Variants in ELK3 observed in about 807,000 individuals in gnomAD.
The protein encoded by ELK3 is ETS domain-containing protein Elk-3.
Under a neutral mutation model 28.9 loss-of-function variants are expected in ELK3, and 10 were observed. That is an observed-to-expected ratio of 0.35 (90% CI 0.21 to 0.59). The LOEUF is 0.59. ELK3 is among the 20% of genes least tolerant of loss of function. The pLI is 0.82. For missense variants in ELK3, 463 were observed against 517.3 expected, an observed-to-expected ratio of 0.90 and a Z score of 1.02; for synonymous variants, 272 against 243.5, an observed-to-expected ratio of 1.12 and a Z score of -1.09.
intron 2 of ELK3, among the ~76,000 whole-genome samples, chr12:96,235,401 C>G (rs1401994600): frequency 6.6e-6 from 1 of 152,102 alleles, no homozygotes; most frequent in African/African-American, 2.4e-5. Context: ...CCTTACGGGG[C>G]CGCATGCTGG....
Position 96,243,842 on chromosome 12 carries a change from CA to C in ELK3, c.208-3084del, listed in dbSNP as rs879461513. 7.6e-3 allele frequency among the ~76,000 whole-genome samples: 1,041 copies of C among 136,212 alleles called. 1 individual carries two copies. Among genetic ancestry groups the C allele is most frequent in the Non-Finnish European group, 0.011 (712 of 62,596 alleles). The allele number at this position is 136,212 out of a possible 152,430, so 89.4% of individuals were successfully genotyped here. On this transcript the variant is annotated intron_variant, in intron 2 of 4. Transcript: ENST00000228741. ...TGGGCAACAGAGCGAGACTCCATCT[CA>C]AAAAAAAAAAAAATTAGCTGGGCAT...
At chr12:96,201,012 G>A (rs529459522) in intron 1 of ELK3, among the ~76,000 whole-genome samples, 1 of 152,106 alleles carries the variant, frequency 6.6e-6, no homozygotes, top group Admixed American at 6.5e-5. Flanking sequence ...ATTATCCCTG[G>A]CCATTTACAA....
chr12:96,258,489 C>G (rs766546719), intron 3 of ELK3, among the ~76,000 whole-genome samples: 1 of 152,120 alleles, frequency 6.6e-6, no homozygotes, highest in African/African-American at 2.4e-5. Flanking sequence ...GCTACGGAGG[C>G]CAATTCTAGG....
chr12:96,234,248 A>T (rs1319306256), intron 2 of ELK3, among the ~76,000 whole-genome samples: 1 of 152,170 alleles, frequency 6.6e-6, no homozygotes, highest in African/African-American at 2.4e-5. Context: ...AACAGGGATG[A>T]GCCAGAGGCC....
chr12:96,232,085 GA>G (rs964083057), intron 2 of ELK3, among the ~76,000 whole-genome samples: 3 of 152,166 alleles, frequency 2.0e-5, no homozygotes, highest in Non-Finnish European at 4.4e-5. Flanking sequence ...TTACCCGGCT[GA>G]AAAAAGTTAG....
chr12:96,255,398 G>A (rs1035253603), intron 3 of ELK3: 3 of 152,446 alleles, frequency 2.0e-5, no homozygotes, highest in South Asian at 4.1e-4. Context: ...CCATGGGAAC[G>A]GATGAGGTCA....
chr12:96,234,174 C>T (rs901301475), intron 2 of ELK3, among the ~76,000 whole-genome samples: 5 of 152,190 alleles, frequency 3.3e-5, no homozygotes, highest in Non-Finnish European at 5.9e-5. Context: ...CTGTCTTGCA[C>T]GTGCTTCCAG....
At chr12:96,194,747 A>C (rs1217961020) in intron 1 of ELK3, 42 bp downstream of exon 1, 2 of 140,942 alleles carry the variant, frequency 1.4e-5, no homozygotes, top group African/African-American at 2.6e-5. Context: ...ACACTTAAAA[A>C]GTTTGTTTGG....
At chr12:96,197,417 T>G (rs1030344194) in intron 1 of ELK3, among the ~76,000 whole-genome samples, 3 of 152,046 alleles carry the variant, frequency 2.0e-5, no homozygotes, top group African/African-American at 4.8e-5. Flanking sequence ...CTTATTTACT[T>G]TAATGATGAT....
chr12:96,211,123 G>A (rs1951575435), intron 1 of ELK3, among the ~76,000 whole-genome samples: 1 of 152,158 alleles, frequency 6.6e-6, no homozygotes, highest in Non-Finnish European at 1.5e-5. Context: ...AATTTAGACA[G>A]CATGTATAAA....
chr12:96,231,317 A>T (rs1951740383), intron 2 of ELK3, among the ~76,000 whole-genome samples: 1 of 152,244 alleles, frequency 6.6e-6, no homozygotes, highest in African/African-American at 2.4e-5. Flanking sequence ...TAACAAGCTA[A>T]CAAGTCTTTC....
chr12:96,233,814 G>C (rs1951760423), intron 2 of ELK3, among the ~76,000 whole-genome samples: 1 of 152,212 alleles, frequency 6.6e-6, no homozygotes, highest in Non-Finnish European at 1.5e-5. Context: ...GGAAGACCTG[G>C]ACTCCCTTTG....
chr12:96,266,402 CAT>C (rs1214763742), intron 4 of ELK3, among the ~76,000 whole-genome samples: 1 of 152,182 alleles, frequency 6.6e-6, no homozygotes, highest in Non-Finnish European at 1.5e-5. Context: ...TTGCAACTAA[CAT>C]ATTTGTTTCA....
intron 1 of ELK3, among the ~76,000 whole-genome samples, chr12:96,197,336 T>A (rs1204338423): frequency 6.6e-6 from 1 of 152,196 alleles, no homozygotes; most frequent in African/African-American, 2.4e-5. Context: ...CCAGGGGTGC[T>A]GCTAACCAGT....
chr12:96,210,485 G>C (rs1376022757), intron 1 of ELK3, among the ~76,000 whole-genome samples: 1 of 151,764 alleles, frequency 6.6e-6, no homozygotes, highest in Admixed American at 6.6e-5. Context: ...TGCATGTTTG[G>C]GGCCCCTCTT....
At chr12:96,217,957 A>AAAG (rs1951631662) in intron 1 of ELK3, among the ~76,000 whole-genome samples, 1 of 151,264 alleles carries the variant, frequency 6.6e-6, no homozygotes, top group Non-Finnish European at 1.5e-5. Flanking sequence ...AAAAAAAAAA[A>AAAG]TCATTTGTCA....
intron 1 of ELK3, among the ~76,000 whole-genome samples, chr12:96,197,219 G>A (rs1387575614): frequency 2.6e-5 from 4 of 152,080 alleles, no homozygotes; most frequent in African/African-American, 9.7e-5. Context: ...TACGTTAGTG[G>A]TTCACAACTA....
At chr12:96,214,136 A>G (rs753451603) in intron 1 of ELK3, among the ~76,000 whole-genome samples, 7 of 152,152 alleles carry the variant, frequency 4.6e-5, no homozygotes, top group Non-Finnish European at 1.0e-4. Flanking sequence ...TATTTAAAAA[A>G]CATTGCAGAC....
intron 3 of ELK3, among the ~76,000 whole-genome samples, chr12:96,250,006 G>A (rs181845962): frequency 6.6e-6 from 1 of 152,260 alleles, no homozygotes; most frequent in Non-Finnish European, 1.5e-5. Flanking sequence ...TTAGTGCCAG[G>A]AAGCCCAGAA....
Sources: allele counts gnomAD v4.1 joint callset (sites outside exome capture counted in the v4.1 genomes callset), GRCh38; gene constraint gnomAD v4.1.1; transcripts MANE v1.5; gene names NCBI Gene and HGNC (gene_info 2026-07-23, HGNC 2026-07-21).